The following PNPLA3 variants were observed in gnomAD, a reference collection of about 807,000 sequenced individuals.
PNPLA3 encodes 1-acylglycerol-3-phosphate O-acyltransferase PNPLA3.
A neutral mutation model predicts 43.1 loss-of-function variants in PNPLA3; 42 were observed. That is an observed-to-expected ratio of 0.97 (90% confidence interval 0.76 to 1.26). PNPLA3 has a LOEUF of 1.26. Among genes scored for constraint, PNPLA3 ranks in the 50% most tolerant of loss-of-function variants. The pLI, the probability that PNPLA3 is intolerant of heterozygous loss-of-function variation, is 0.00. For missense variants in PNPLA3, 647 were observed against 621.4 expected, an observed-to-expected ratio of 1.04 and a Z score of -0.44; for synonymous variants, 272 against 253.6, an observed-to-expected ratio of 1.07 and a Z score of -0.69.
At chr22:43,936,987 TG>T in intron 5 of PNPLA3, 63 bp from the exon 6 acceptor site, 1 of 1,352,414 alleles carries the variant, frequency 7.4e-7, no homozygotes, top group Non-Finnish European at 1.0e-6. Flanking sequence ...GTTTGGTAGA[TG>T]GGTGGGTAAC....
At chr22:43,926,896 T>G (rs1382620457) in intron 1 of PNPLA3, 39 bp from the exon 2 acceptor site, 2 of 1,552,050 alleles carry the variant, frequency 1.3e-6, no homozygotes, top group Non-Finnish European at 1.8e-6. Context: ...ACCATCCCAG[T>G]GTGGTACATT....
At chr22:43,933,384 A>G (rs1319898977) in intron 4 of PNPLA3, among the ~76,000 whole-genome samples, 1 of 151,310 alleles carries the variant, frequency 6.6e-6, no homozygotes, top group Non-Finnish European at 1.5e-5. Context: ...AGTTATAAAG[A>G]TTTTTTTTTG....
At position 43,924,116 on chromosome 22, in the gene PNPLA3, G is replaced by T. The variant is rs767520831; in HGVS notation, c.187+18G>T. On this transcript the variant is annotated intron_variant, in intron 1 of 8. Coordinates refer to ENST00000216180, the MANE Select transcript of PNPLA3 (RefSeq NM_025225.3). Reference sequence around the variant, plus strand: ...CCCGCTGGGTGCGTCTGGGGACGCTGCCCGGGCTCCACGTGCGGAGTGGGT... The same window carrying T: ...CCCGCTGGGTGCGTCTGGGGACGCTTCCCGGGCTCCACGTGCGGAGTGGGT... 2.0e-6 allele frequency: 3 copies of T among 1,520,660 alleles called. No individual in the cohort carries two copies. The East Asian group carries it at 8.0e-5, about 41-fold the overall frequency. The allele number at this position is 1,520,660 out of a possible 1,614,324, so 94.2% of individuals were successfully genotyped here. A position where few individuals can be genotyped will look rare whatever the true frequency, so the allele number is the denominator to read the frequency against.
At chr22:43,935,745 G>A (rs998525809) in intron 5 of PNPLA3, among the ~76,000 whole-genome samples, 1 of 152,110 alleles carries the variant, frequency 6.6e-6, no homozygotes, top group Admixed American at 6.5e-5. Context: ...AGGGGGTCAG[G>A]AGTGGTGAAA....
chr22:43,936,950 A>C (rs866960334), intron 5 of PNPLA3, 101 bp from the exon 6 acceptor site: 2 of 927,078 alleles, frequency 2.2e-6, no homozygotes, highest in Non-Finnish European at 1.7e-6. Context: ...TTTGGCTAAT[A>C]ACAGGCCAGC....
At chr22:43,936,189 A>G (rs1019304500) in intron 5 of PNPLA3, among the ~76,000 whole-genome samples, 3 of 152,140 alleles carry the variant, frequency 2.0e-5, no homozygotes, top group African/African-American at 7.2e-5. Flanking sequence ...TGGAAGCAGC[A>G]TCTGCCTGAG....
At chr22:43,939,909 A>G in intron 6 of PNPLA3, 84 bp from the exon 7 acceptor site, 1 of 1,598,018 alleles carries the variant, frequency 6.3e-7, no homozygotes, top group Non-Finnish European at 8.6e-7. Context: ...GGCGTATTTT[A>G]TGGAAATGCT....
intron 7 of PNPLA3, among the ~76,000 whole-genome samples, chr22:43,944,382 A>G (rs1471193129): frequency 3.9e-5 from 6 of 152,198 alleles, no homozygotes; most frequent in African/African-American, 1.4e-4. Flanking sequence ...CTTGACCATG[A>G]GAGCCCTTGC....
At chr22:43,932,675 G>C (rs960915156) in intron 3 of PNPLA3, among the ~76,000 whole-genome samples, 1 of 152,202 alleles carries the variant, frequency 6.6e-6, no homozygotes, top group Non-Finnish European at 1.5e-5. Context: ...CGGCAACCCT[G>C]AGAGCCAGAG....
At chr22:43,936,184 G>C (rs1051002036) in intron 5 of PNPLA3, among the ~76,000 whole-genome samples, 14 of 152,128 alleles carry the variant, frequency 9.2e-5, no homozygotes, top group African/African-American at 3.4e-4. Context: ...GATGCTGGAA[G>C]CAGCATCTGC....
At chr22:43,932,056 T>C (rs1485172876) in intron 3 of PNPLA3, among the ~76,000 whole-genome samples, 1 of 152,140 alleles carries the variant, frequency 6.6e-6, no homozygotes, top group East Asian at 1.9e-4. Context: ...ATCTTTTGGA[T>C]GCCTTTCTCT....
chr22:43,934,249 G>A (rs2049979997), intron 4 of PNPLA3, among the ~76,000 whole-genome samples: 1 of 151,440 alleles, frequency 6.6e-6, no homozygotes, highest in Admixed American at 6.6e-5. Context: ...CCTCGGAAGT[G>A]GAGGTGGCCG....
At chr22:43,944,122 AGCCG>A (rs1254361780) in intron 7 of PNPLA3, among the ~76,000 whole-genome samples, 1 of 152,034 alleles carries the variant, frequency 6.6e-6, no homozygotes. Context: ...CTCCTTCAAA[AGCCG>A]GCTCCTTTCT....
chr22:43,946,469 G>C lies in PNPLA3; in HGVS notation c.*87G>C. On this transcript the variant is annotated 3_prime_UTR_variant, in exon 9 of 9. Coordinates refer to ENST00000216180, the MANE Select transcript of PNPLA3 (RefSeq NM_025225.3). ...GCAGCTACCTCCGCATTGCTGTGTAGTGACCCCTGCCTGTGACGTGGAGGA... is the reference window on the plus strand; with the variant it reads ...GCAGCTACCTCCGCATTGCTGTGTACTGACCCCTGCCTGTGACGTGGAGGA... 7.8e-7 allele frequency: 1 copy of C among 1,287,576 alleles called. No homozygotes were observed. Among genetic ancestry groups the C allele is most frequent in the Non-Finnish European group, 1.1e-6 (1 of 892,168 alleles). The allele number at this position is 1,287,576 out of a possible 1,614,324, so 79.8% of individuals were successfully genotyped here.
chr22:43,937,347 C>A, intron 6 of PNPLA3, 75 bp downstream of exon 6: 1 of 1,397,662 alleles, frequency 7.2e-7, no homozygotes, highest in Non-Finnish European at 9.9e-7. Flanking sequence ...GATGGTACTG[C>A]CACATGGGAG....
At position 43,940,018 on chromosome 22, in the gene PNPLA3, A is replaced by G; in HGVS notation, c.1005A>G (p.Lys335=). 3 of 1,614,178 alleles carry G rather than the reference A, an allele frequency of 1.9e-6. No individual in the cohort carries two copies. Among genetic ancestry groups the G allele is most frequent in the Non-Finnish European group, 2.5e-6 (3 of 1,180,012 alleles). ...CACTGAGTGAAGAAATGAAAGACAA[A>G]GGTGGATACATGAGCAAGATTTGCA... ...ATALSEEMKD[K]GGYMSKICNL... The change falls in exon 7 of 9, where the codon AAA becomes AAG. Residue 335 remains lysine (K), a synonymous_variant. Coordinates refer to ENST00000216180, the MANE Select transcript of PNPLA3 (RefSeq NM_025225.3).
At chr22:43,931,410 G>C (rs1475194346) in intron 3 of PNPLA3, among the ~76,000 whole-genome samples, 1 of 152,116 alleles carries the variant, frequency 6.6e-6, no homozygotes, top group Non-Finnish European at 1.5e-5. Flanking sequence ...GAGAATATTT[G>C]GGCTTCTGAC....
At chr22:43,946,114 C>CG in intron 8 of PNPLA3, 40 bp from the exon 9 acceptor site, 1 of 1,583,776 alleles carries the variant, frequency 6.3e-7, no homozygotes, top group East Asian at 2.2e-5. Context: ...ACTGCAGCAG[C>CG]GGGAACGGCC....
At chr22:43,934,099 C>G (rs1293987626) in intron 4 of PNPLA3, among the ~76,000 whole-genome samples, 1 of 151,898 alleles carries the variant, frequency 6.6e-6, no homozygotes, top group Non-Finnish European at 1.5e-5. Flanking sequence ...GGTGGATCAC[C>G]TGAGGTCAGG....
Sources: gnomAD v4.1 joint callset for allele counts (sites outside exome capture counted in the v4.1 genomes callset) on GRCh38, gnomAD v4.1.1 for gene constraint, MANE v1.5 for transcripts, NCBI Gene and HGNC (gene_info 2026-07-23, HGNC 2026-07-21) for gene names.